Variants in CATSPERB observed in about 807,000 individuals in gnomAD.
CATSPERB encodes cation channel sperm-associated auxiliary subunit beta.
CATSPERB carries 93 observed loss-of-function variants against 128.3 expected under a neutral mutation model. The observed-to-expected ratio is 0.72, with a 90% CI of 0.61 to 0.86. CATSPERB has a LOEUF of 0.86. Among genes scored for constraint, CATSPERB ranks in the 40% least tolerant of loss-of-function variants. CATSPERB has a pLI of 0.00. For missense variants in CATSPERB, 1,153 were observed against 1,329.5 expected (o/e 0.87, Z 2.06); for synonymous variants, 381 against 448.8 (o/e 0.85, Z 1.91).
chr14:91,721,799 G>A (rs1363507579), intron 4 of CATSPERB, among the ~76,000 whole-genome samples: 19 of 150,454 alleles, frequency 1.3e-4, no homozygotes, highest in Admixed American at 9.3e-4. Context: ...GCAGTGAGCC[G>A]AGATCGCACC....
At chr14:91,670,379 G>A (rs1053127523) in intron 13 of CATSPERB, among the ~76,000 whole-genome samples, 12 of 152,102 alleles carry the variant, frequency 7.9e-5, no homozygotes, top group Non-Finnish European at 1.5e-4. Flanking sequence ...CAGGCCAGGC[G>A]CAGTCTTCAG....
intron 22 of CATSPERB, among the ~76,000 whole-genome samples, chr14:91,606,058 C>A (rs1893696744): frequency 6.6e-6 from 1 of 151,764 alleles, no homozygotes; most frequent in Non-Finnish European, 1.5e-5. Flanking sequence ...TGCCTGTAAT[C>A]CCAGCTGCTT....
At chr14:91,669,256 T>G (rs1393944057) in intron 14 of CATSPERB, among the ~76,000 whole-genome samples, 1 of 152,222 alleles carries the variant, frequency 6.6e-6, no homozygotes, top group African/African-American at 2.4e-5. Context: ...CTTTCTTAGT[T>G]CCAAAGTTTG....
chr14:91,588,089 A>G lies in CATSPERB; in HGVS notation c.2957-11T>C, dbSNP rs1454850787. The G allele has an allele frequency of 6.6e-7, 1 of 1,509,942 alleles. No individual in the cohort carries two copies. The highest frequency in any genetic ancestry group is 1.7e-5 in the Admixed American group (1 of 57,348). The allele number at this position is 1,509,942 out of a possible 1,614,324, so 93.5% of individuals were successfully genotyped here. A position where few individuals can be genotyped will look rare whatever the true frequency, so the allele number is the denominator to read the frequency against. Reference sequence around the variant, plus strand: ...CTGGCACAGTGTGTTCTAAAAATACATAAAACATATTTTAAGCACACTTAT... The same window carrying G: ...CTGGCACAGTGTGTTCTAAAAATACGTAAAACATATTTTAAGCACACTTAT... On this transcript the variant is annotated splice_polypyrimidine_tract_variant and intron_variant, in intron 24 of 26. Coordinates refer to ENST00000256343, the MANE Select transcript of CATSPERB (RefSeq NM_024764.4).
At chr14:91,650,569 C>T (rs2139814410) in intron 15 of CATSPERB, among the ~76,000 whole-genome samples, 1 of 152,264 alleles carries the variant, frequency 6.6e-6, no homozygotes, top group South Asian at 2.1e-4. Flanking sequence ...TTAAAATTGA[C>T]TTACATTTCC....
chr14:91,603,256 A>G, intron 22 of CATSPERB: 1 of 1,081,736 alleles, frequency 9.2e-7, no homozygotes, highest in Non-Finnish European at 1.4e-6. Flanking sequence ...TCCTGTTTCA[A>G]AGCCAGCATA....
intron 22 of CATSPERB, among the ~76,000 whole-genome samples, chr14:91,600,716 A>G (rs149434967): frequency 0.012 from 1,849 of 152,364 alleles, 23 homozygotes; most frequent in Non-Finnish European, 0.017. Flanking sequence ...CAACCTGCAA[A>G]TCCTGCATGT....
At chr14:91,699,382 A>G (rs983950322) in intron 7 of CATSPERB, among the ~76,000 whole-genome samples, 4 of 152,136 alleles carry the variant, frequency 2.6e-5, no homozygotes, top group Admixed American at 1.3e-4. Flanking sequence ...TATAGATTCA[A>G]TGCAATTCCC....
intron 26 of CATSPERB, among the ~76,000 whole-genome samples, chr14:91,584,570 C>G (rs182266761): frequency 2.0e-5 from 3 of 152,280 alleles, no homozygotes; most frequent in Non-Finnish European, 4.4e-5. Context: ...CTTCTTTAAG[C>G]ATTTTCAAAA....
At chr14:91,728,173 G>C (rs1050389120) in intron 2 of CATSPERB, among the ~76,000 whole-genome samples, 1 of 152,136 alleles carries the variant, frequency 6.6e-6, no homozygotes, top group Non-Finnish European at 1.5e-5. Flanking sequence ...GAGTGTAGTG[G>C]AGTGATCTTG....
intron 14 of CATSPERB, among the ~76,000 whole-genome samples, chr14:91,667,494 A>G (rs148432590): frequency 2.2e-4 from 33 of 152,356 alleles, no homozygotes; most frequent in African/African-American, 7.9e-4. Context: ...ATTCCTTTAA[A>G]AGGCAGGGTA....
intron 11 of CATSPERB, among the ~76,000 whole-genome samples, chr14:91,676,129 G>A (rs893806136): frequency 7.2e-5 from 11 of 152,100 alleles, no homozygotes; most frequent in South Asian, 2.1e-4. Context: ...ATTGGTCATC[G>A]CCAGTCATTA....
intron 7 of CATSPERB, among the ~76,000 whole-genome samples, chr14:91,701,412 G>C (rs1345663144): frequency 6.6e-6 from 1 of 152,176 alleles, no homozygotes; most frequent in African/African-American, 2.4e-5. Flanking sequence ...TGGAAAGAAA[G>C]TTAAGGGACC....
rs1043735231 is a variant in CATSPERB, at chr14:91,604,254, C to T, written c.2709+4040G>A. 17 of 629,200 alleles carry T rather than the reference C, an allele frequency of 2.7e-5. No individual in the cohort carries two copies. The African/African-American group carries it at 3.1e-4, about 11-fold the overall frequency. The allele number at this position is 629,200 out of a possible 1,614,324, so 39.0% of individuals were successfully genotyped here. On this transcript the variant is annotated intron_variant, in intron 22 of 26. Coordinates refer to ENST00000256343, the MANE Select transcript of CATSPERB (RefSeq NM_024764.4). ...TGATTAGACTCCAACCATACCCCAC[C>T]CTCCATCACATTGACTGGATAGGCA...
chr14:91,670,565 C>T (rs1411346112), intron 13 of CATSPERB, among the ~76,000 whole-genome samples: 1 of 151,870 alleles, frequency 6.6e-6, no homozygotes, highest in Non-Finnish European at 1.5e-5. Context: ...ACCTGTAGTC[C>T]CAGCTACTAA....
chr14:91,587,760 A>G (rs576396822), intron 25 of CATSPERB, among the ~76,000 whole-genome samples: 1 of 152,268 alleles, frequency 6.6e-6, no homozygotes, highest in African/African-American at 2.4e-5. Flanking sequence ...TTGCTAGATA[A>G]TATGGCTTGC....
chr14:91,722,655 A>C (rs1297941344), intron 4 of CATSPERB, among the ~76,000 whole-genome samples: 1 of 152,182 alleles, frequency 6.6e-6, no homozygotes, highest in Non-Finnish European at 1.5e-5. Flanking sequence ...AACTGTATGG[A>C]ATTATATCTT....
rs1405942097 is a variant in CATSPERB at position 91,717,770 on chromosome 14, G to A, written c.370+1648C>T. 2.0e-5 allele frequency among the ~76,000 whole-genome samples: 3 copies of A among 152,186 alleles called. No individual in the cohort carries two copies. In the East Asian group the frequency reaches 5.8e-4, roughly 29 times the overall value. On this transcript the variant is annotated intron_variant, in intron 5 of 26. Coordinates refer to ENST00000256343, the MANE Select transcript of CATSPERB (RefSeq NM_024764.4). ...ATATACTCATAATACTCATATTCAT[G>A]CCATAGCAGTAAATAAAGTATGATT...
chr14:91,613,388 A>G (rs780992893), intron 20 of CATSPERB, among the ~76,000 whole-genome samples: 9 of 152,238 alleles, frequency 5.9e-5, no homozygotes, highest in Non-Finnish European at 1.3e-4. Flanking sequence ...GGATTAGAAC[A>G]TACAGTTAAA....
Sources: allele counts gnomAD v4.1 joint callset (sites outside exome capture counted in the v4.1 genomes callset), GRCh38; gene constraint gnomAD v4.1.1; transcripts MANE v1.5; gene names NCBI Gene and HGNC (gene_info 2026-07-23, HGNC 2026-07-21).